SCARF1: variants seen among roughly 807,000 people sequenced by gnomAD.
SCARF1 encodes scavenger receptor class F member 1.
A neutral mutation model predicts 76.3 loss-of-function variants in SCARF1; 49 were observed. The observed-to-expected ratio is 0.64, with a 90% CI of 0.51 to 0.81. The LOEUF is 0.81. Among genes scored for constraint, SCARF1 ranks in the 40% least tolerant of loss-of-function variants. SCARF1 has a pLI of 0.00. For missense variants in SCARF1, 1,098 were observed against 1,143.9 expected (o/e 0.96, Z 0.58); for synonymous variants, 495 against 474.6 (o/e 1.04, Z -0.56).
rs1910302281 is a variant in SCARF1, at chr17:1,643,818, C to T, written c.415G>A (p.Gly139Arg). 2 of 1,268,710 alleles carry T rather than the reference C, an allele frequency of 1.6e-6. No individual in the cohort carries two copies. The highest frequency in any genetic ancestry group is 3.2e-5 in the East Asian group (1 of 31,530). 78.6% of individuals were successfully genotyped at this position (1,268,710 alleles called of 1,614,324 possible). The change falls in exon 4 of 11, where the codon GGG becomes AGG. Residue 139 changes from glycine (G) to arginine (R), a missense_variant. By Grantham distance (125) the Gly-to-Arg change is moderately radical. Coordinates refer to ENST00000263071, the MANE Select transcript of SCARF1 (RefSeq NM_003693.4). The stretch of plus-strand genomic sequence containing the variant: ...ACGCCGGTCGCGGGGTCGCAGCGCC[C>T]GTGGGGGCCGCAGGCGCACGGGAAC... ...CEFPCACGPH[G>R]RCDPATGVCH...
Position 1,643,742 on chromosome 17 carries a change from T to C in SCARF1, c.491A>G (p.Gln164Arg). Residue 164 changes from glutamine to arginine, a missense_variant, in exon 4 of 11, where the codon CAG becomes CGG. Physicochemically the swap from Gln to Arg is conservative, Grantham distance 43. Transcript: ENST00000263071. ...WWSSTCRRPC[Q>R]CNTAAARCEQ... Reference sequence around the variant, plus strand: ...GCAGCGCGCCGCCGCGGTGTTGCACTGGCACGGGCGGCGGCACGTGGACGA... The same window carrying C: ...GCAGCGCGCCGCCGCGGTGTTGCACCGGCACGGGCGGCGGCACGTGGACGA... The C allele has an allele frequency of 7.7e-7, 1 of 1,298,678 alleles. No individual in the cohort carries two copies. The highest frequency in any genetic ancestry group is 9.7e-7 in the Non-Finnish European group (1 of 1,028,238). 80.4% of individuals were successfully genotyped at this position (1,298,678 alleles called of 1,614,324 possible). A position where few individuals can be genotyped will look rare whatever the true frequency, so the allele number is the denominator to read the frequency against.
Position 1,643,600 on chromosome 17 carries a change from C to T in SCARF1, c.633G>A (p.Arg211=), listed in dbSNP as rs1910276429. 6.8e-7 allele frequency: 1 copy of T among 1,473,704 alleles called. No individual in the cohort carries two copies. The highest frequency in any genetic ancestry group is 8.9e-7 in the Non-Finnish European group (1 of 1,120,210). The allele number at this position is 1,473,704 out of a possible 1,614,324, so 91.3% of individuals were successfully genotyped here. Residue 211 remains arginine (R), a synonymous_variant, in exon 4 of 11, where the codon CGG becomes CGA. Coordinates refer to ENST00000263071, the MANE Select transcript of SCARF1 (RefSeq NM_003693.4). The part of the protein sequence containing the change: ...CEQDSGRCAC[R]PGWWGPECQQ... ...GGCATTCGGGACCCCACCAGCCCGGCCGGCAGGCGCAGCGGCCGGAGTCCT... is the reference window on the plus strand; with the variant it reads ...GGCATTCGGGACCCCACCAGCCCGGTCGGCAGGCGCAGCGGCCGGAGTCCT...
Position 1,645,330 on chromosome 17 carries a change from AG to A in SCARF1, c.102-92del. ...TCACTGTCTCTGGCTGCAGTGGGGGAGGCTGCCTTAGCCCCCTGGGGAGGCC... is the reference window on the plus strand; with the variant it reads ...TCACTGTCTCTGGCTGCAGTGGGGGAGCTGCCTTAGCCCCCTGGGGAGGCC... On this transcript the variant is annotated intron_variant, in intron 1 of 10. Coordinates refer to ENST00000263071, the MANE Select transcript of SCARF1 (RefSeq NM_003693.4). This position sits in a 1 kb window ranked among gnomAD's most constrained non-coding sequence, Gnocchi z 6.3. The A allele has an allele frequency of 2.0e-6, 3 of 1,503,778 alleles. No homozygotes were observed. Among genetic ancestry groups the A allele is most frequent in the Non-Finnish European group, 2.7e-6 (3 of 1,103,966 alleles). 93.2% of individuals were successfully genotyped at this position (1,503,778 alleles called of 1,614,324 possible).
rs543267698 is a variant in SCARF1 at position 1,645,264 on chromosome 17, G to A, written c.102-25C>T. On this transcript the variant is annotated intron_variant, in intron 1 of 10. Coordinates refer to ENST00000263071, the MANE Select transcript of SCARF1 (RefSeq NM_003693.4). The surrounding 1 kb of genome is among the most constrained non-coding windows in gnomAD (Gnocchi z 6.3). ...GCTGTGGGGCAAAAAGGGGTCAGCC[G>A]GACATGGTGGGGGGTGCAGCCTGGC... is the stretch of plus-strand genomic sequence containing the variant. 46 of 1,611,112 alleles carry A rather than the reference G, an allele frequency of 2.9e-5. No individual in the cohort carries two copies. The African/African-American group carries it at 2.9e-4, about 10-fold the overall frequency.
chr17:1,642,148 A>AT (rs1173965572), intron 4 of SCARF1, among the ~76,000 whole-genome samples: 1 of 151,072 alleles, frequency 6.6e-6, no homozygotes, highest in African/African-American at 2.4e-5. Context: ...GTAAGAAACC[A>AT]TTTTTTTAAT....
At position 1,644,599 on chromosome 17, in the gene SCARF1, G is replaced by A. The variant is rs1018585491; in HGVS notation, c.265+235C>T. On this transcript the variant is annotated intron_variant, in intron 3 of 10. Transcript: ENST00000263071. This position sits in a 1 kb window ranked among gnomAD's most constrained non-coding sequence, Gnocchi z 4.8. ...CACAGGTTTTCTGAGAAGTGGAAGAGGAAGATGCTCAGGTGGGCAGTGCTT... is the reference window on the plus strand; with the variant it reads ...CACAGGTTTTCTGAGAAGTGGAAGAAGAAGATGCTCAGGTGGGCAGTGCTT... 6 of 593,486 alleles carry A rather than the reference G, an allele frequency of 1.0e-5. No individual in the cohort carries two copies. The African/African-American group carries it at 1.1e-4, about 11-fold the overall frequency. 36.8% of individuals were successfully genotyped at this position (593,486 alleles called of 1,614,324 possible).
rs1217016549 is a variant in SCARF1 at position 1,634,111 on chromosome 17, A to T, written c.*647T>A. The T allele has an allele frequency of 6.6e-6, 1 of 152,488 alleles. No individual in the cohort carries two copies. Among genetic ancestry groups the T allele is most frequent in the African/African-American group, 2.4e-5 (1 of 41,448 alleles). The allele number at this position is 152,488 out of a possible 1,614,324, so 9.4% of individuals were successfully genotyped here. On this transcript the variant is annotated 3_prime_UTR_variant, in exon 11 of 11. Coordinates refer to ENST00000263071, the MANE Select transcript of SCARF1 (RefSeq NM_003693.4). The stretch of plus-strand genomic sequence containing the variant: ...ATCCTTTTTAAAAAGTTCATAGACC[A>T]GGCGTGGTGGCTCATGCCTGTCATC...
chr17:1,634,712 C>T lies in SCARF1; in HGVS notation c.*46G>A. On this transcript the variant is annotated 3_prime_UTR_variant, in exon 11 of 11. Coordinates refer to ENST00000263071, the MANE Select transcript of SCARF1 (RefSeq NM_003693.4). Reference sequence around the variant, plus strand: ...CCCGGGATCATTTTCCAGCACACAGCACAGTCTAGTCCATCCACTCTCCCC... The same window carrying T: ...CCCGGGATCATTTTCCAGCACACAGTACAGTCTAGTCCATCCACTCTCCCC... The T allele has an allele frequency of 1.3e-6, 2 of 1,532,346 alleles. No homozygotes were observed. The highest frequency in any genetic ancestry group is 1.8e-6 in the Non-Finnish European group (2 of 1,137,998). The allele number at this position is 1,532,346 out of a possible 1,614,324, so 94.9% of individuals were successfully genotyped here. A position where few individuals can be genotyped will look rare whatever the true frequency, so the allele number is the denominator to read the frequency against.
In SCARF1 at chr17:1,634,329, C is replaced by G. The variant is rs1598511371; in HGVS notation, c.*429G>C. The G allele has an allele frequency of 2.0e-5, 6 of 293,156 alleles. No homozygotes were observed. In the East Asian group the frequency reaches 3.4e-4, roughly 17 times the overall value. The allele number at this position is 293,156 out of a possible 1,614,324, so 18.2% of individuals were successfully genotyped here. ...GCGTGAACCCGGGAGGCAGAGCTTG[C>G]AGTGAGCCGAGATCGCACCACTGCA... is the stretch of plus-strand genomic sequence containing the variant. On this transcript the variant is annotated 3_prime_UTR_variant, in exon 11 of 11. Transcript: ENST00000263071.
intron 10 of SCARF1, 42 bp from the exon 11 acceptor site, chr17:1,635,659 C>T (rs1405692079): frequency 6.4e-7 from 1 of 1,567,138 alleles, no homozygotes; most frequent in South Asian, 1.2e-5. Flanking sequence ...GCTGAACTGG[C>T]CACCCCAATG....
Position 1,643,897 on chromosome 17 carries a change from C to G in SCARF1, c.336G>C (p.Glu112Asp). ...GGCACTGGCACGCGCCCGTGGCTGGCTCGCACTGGCCGTGCGGGTGGCAGG... is the reference window on the plus strand; with the variant it reads ...GGCACTGGCACGCGCCCGTGGCTGGGTCGCACTGGCCGTGCGGGTGGCAGG... Reference protein sequence around the residue: ...SCPCHPHGQCEPATGACQCQA... With the variant: ...SCPCHPHGQCDPATGACQCQA... Residue 112 changes from glutamate to aspartate, a missense_variant, in exon 4 of 11, where the codon GAG (glutamate) becomes GAC (aspartate). Transcript: ENST00000263071. The G allele has an allele frequency of 3.8e-6, 5 of 1,330,026 alleles. No homozygotes were observed. The highest frequency in any genetic ancestry group is 4.8e-6 in the Non-Finnish European group (5 of 1,044,032). The allele number at this position is 1,330,026 out of a possible 1,614,324, so 82.4% of individuals were successfully genotyped here. A position where few individuals can be genotyped will look rare whatever the true frequency, so the allele number is the denominator to read the frequency against.
chr17:1,637,054 C>T lies in SCARF1; in HGVS notation c.1373G>A (p.Arg458Lys). The T allele has an allele frequency of 6.2e-7, 1 of 1,613,920 alleles. No individual in the cohort carries two copies. Among genetic ancestry groups the T allele is most frequent in the Non-Finnish European group, 8.5e-7 (1 of 1,179,992 alleles). ...PRSDLKDRPA[R>K]DGATVSRMKL... is the part of the protein sequence containing the mutation. ...CATCCTGGACACGGTAGCTCCATCTCTCGCTGGCCTGAGGGAGGAGGGTAG... is the reference window on the plus strand; with the variant it reads ...CATCCTGGACACGGTAGCTCCATCTTTCGCTGGCCTGAGGGAGGAGGGTAG... Residue 458 changes from arginine to lysine, a missense_variant, in exon 9 of 11, where the codon AGA (arginine) becomes AAA (lysine). By Grantham distance (26) the Arg-to-Lys change is conservative. Coordinates refer to ENST00000263071, the MANE Select transcript of SCARF1 (RefSeq NM_003693.4).
rs778008728 is a variant in SCARF1, at chr17:1,634,746, A to C, written c.*12T>G. On this transcript the variant is annotated 3_prime_UTR_variant, in exon 11 of 11. Transcript: ENST00000263071. ...GTCCATCCACTCTCCCCACTCCCCAAATTCAAGGTCATCAGGGTTCTGGTG... is the reference window on the plus strand; with the variant it reads ...GTCCATCCACTCTCCCCACTCCCCACATTCAAGGTCATCAGGGTTCTGGTG... 1 of 1,571,734 alleles carries C rather than the reference A, an allele frequency of 6.4e-7. No individual in the cohort carries two copies. The highest frequency in any genetic ancestry group is 1.4e-5 in the African/African-American group (1 of 73,332).
Position 1,637,072 on chromosome 17 carries a change from G to A in SCARF1, c.1365-10C>T, listed in dbSNP as rs1909637306. On this transcript the variant is annotated splice_polypyrimidine_tract_variant and intron_variant, in intron 8 of 10. Coordinates refer to ENST00000263071, the MANE Select transcript of SCARF1 (RefSeq NM_003693.4). ...TCCATCTCTCGCTGGCCTGAGGGAGGAGGGTAGGGACACTGGTCAGTACAT... is the reference window on the plus strand; with the variant it reads ...TCCATCTCTCGCTGGCCTGAGGGAGAAGGGTAGGGACACTGGTCAGTACAT... 2.5e-6 allele frequency: 4 copies of A among 1,613,694 alleles called. No homozygotes were observed. Among genetic ancestry groups the A allele is most frequent in the Non-Finnish European group, 2.5e-6 (3 of 1,179,986 alleles).
Position 1,634,605 on chromosome 17 carries a change from T to G in SCARF1, c.*153A>C. ...CCTTCCTGGGCCCCTCCGGGAGCACTGCCAGGGGCCTGGGCCAACTGGCCT... is the reference window on the plus strand; with the variant it reads ...CCTTCCTGGGCCCCTCCGGGAGCACGGCCAGGGGCCTGGGCCAACTGGCCT... On this transcript the variant is annotated 3_prime_UTR_variant, in exon 11 of 11. Transcript: ENST00000263071. The G allele has an allele frequency of 9.2e-7, 1 of 1,086,518 alleles. No homozygotes were observed. The allele number at this position is 1,086,518 out of a possible 1,614,324, so 67.3% of individuals were successfully genotyped here.
intron 8 of SCARF1, 140 bp from the exon 9 acceptor site, chr17:1,637,202 T>C (rs1237271091): frequency 1.1e-6 from 1 of 903,662 alleles, no homozygotes. Flanking sequence ...AAAATCCAAA[T>C]GATTGAGCCC....
At chr17:1,637,327 C>CCTATCTAT (rs72522019) in intron 8 of SCARF1, among the ~76,000 whole-genome samples, 56 of 111,200 alleles carry the variant, frequency 5.0e-4, no homozygotes, top group African/African-American at 2.0e-3. Flanking sequence ...TAAAACAGAT[C>CCTATCTAT]CTATCTATCT....
Position 1,635,124 on chromosome 17 carries a change from G to GA in SCARF1, c.2126dup (p.Arg710ProfsTer5). On this transcript the variant is annotated frameshift_variant, in exon 11 of 11. Transcript: ENST00000263071. LOFTEE classifies it low-confidence loss of function (END_TRUNC). ...CTTTCTGGAAGCTACCAAAATGGCG[G>GA]AAGACAGAGCGGACAGGGCCTTCGG... is the stretch of plus-strand genomic sequence containing the variant. 6.2e-7 allele frequency: 1 copy of GA among 1,613,800 alleles called. No homozygotes were observed. The highest frequency in any genetic ancestry group is 1.3e-5 in the African/African-American group (1 of 75,074).
rs1382557390 is a variant in SCARF1, at chr17:1,635,138, C to T, written c.2113G>A (p.Val705Ile). The change falls in exon 11 of 11, where the codon GTC (valine) becomes ATC (isoleucine). Residue 705 changes from valine to isoleucine, a missense_variant. By Grantham distance (29) the Val-to-Ile change is conservative. Coordinates refer to ENST00000263071, the MANE Select transcript of SCARF1 (RefSeq NM_003693.4). ...CCAAAATGGCGGAAGACAGAGCGGA[C>T]AGGGCCTTCGGATCCGCGGGGCTTC... ...AGKPRGSEGP[V>I]RSVFRHFGSF... The T allele has an allele frequency of 1.2e-6, 2 of 1,613,614 alleles. No individual in the cohort carries two copies. The highest frequency in any genetic ancestry group is 1.7e-6 in the Non-Finnish European group (2 of 1,180,040).
Sources: allele counts gnomAD v4.1 joint callset (sites outside exome capture counted in the v4.1 genomes callset), GRCh38; gene constraint gnomAD v4.1.1; non-coding constraint Gnocchi (gnomAD v3.1); transcripts MANE v1.5; gene names NCBI Gene and HGNC (gene_info 2026-07-23, HGNC 2026-07-21).